Variants in CLPB observed in about 807,000 individuals in gnomAD.
The protein encoded by CLPB is mitochondrial disaggregase.
In CLPB, 40 loss-of-function variants were observed where a neutral mutation model predicts 78.4. That is an observed-to-expected ratio of 0.51 (90% CI 0.40 to 0.66). The LOEUF (loss-of-function observed/expected upper bound fraction) is 0.66, where lower values mean the gene tolerates loss of function less well. Ranked by LOEUF, CLPB falls within the 30% of genes least tolerant of loss-of-function variation. The pLI is 0.00. For missense variants in CLPB, 780 were observed against 886.9 expected (o/e 0.88, Z 1.53); for synonymous variants, 333 against 348.0 (o/e 0.96, Z 0.48).
intron 3 of CLPB, among the ~76,000 whole-genome samples, chr11:72,392,205 C>A (rs1187677874): frequency 6.6e-6 from 1 of 152,046 alleles, no homozygotes; most frequent in African/African-American, 2.4e-5. Context: ...CCCCACCCCC[C>A]ACATCTGAAG....
intron 2 of CLPB, among the ~76,000 whole-genome samples, chr11:72,403,610 A>G (rs1488702079): frequency 3.3e-5 from 5 of 152,136 alleles, no homozygotes; most frequent in African/African-American, 1.2e-4. Context: ...CAGTTCACAA[A>G]ATGATCATAT....
intron 3 of CLPB, among the ~76,000 whole-genome samples, chr11:72,398,037 T>C (rs1321818461): frequency 6.6e-6 from 1 of 152,254 alleles, no homozygotes; most frequent in Non-Finnish European, 1.5e-5. Context: ...GACTGTCCTA[T>C]GAACAGCTTT....
At chr11:72,365,197 C>A (rs58321124) in intron 4 of CLPB, among the ~76,000 whole-genome samples, 1,691 of 152,212 alleles carry the variant, frequency 0.011, 32 homozygotes, top group African/African-American at 0.038. Context: ...GTGGCACATG[C>A]TTGTGGTCCT....
chr11:72,380,472 G>C, intron 3 of CLPB, 88 bp from the exon 4 acceptor site: 1 of 978,070 alleles, frequency 1.0e-6, no homozygotes, highest in Non-Finnish European at 1.6e-6. Flanking sequence ...TTGGGGACTG[G>C]AGCTGTCTCT....
At chr11:72,420,252 G>A (rs1856152265) in intron 2 of CLPB, among the ~76,000 whole-genome samples, 1 of 152,208 alleles carries the variant, frequency 6.6e-6, no homozygotes, top group Admixed American at 6.5e-5. Context: ...TGTAATCCCA[G>A]TACTTTAGGA....
At chr11:72,381,771 C>T (rs1297601335) in intron 3 of CLPB, among the ~76,000 whole-genome samples, 3 of 152,086 alleles carry the variant, frequency 2.0e-5, no homozygotes, top group African/African-American at 7.2e-5. Flanking sequence ...TTTAGGCCTG[C>T]CCTAGCACCA....
intron 4 of CLPB, among the ~76,000 whole-genome samples, chr11:72,379,415 A>T (rs755020003): frequency 6.6e-6 from 1 of 152,098 alleles, no homozygotes; most frequent in Non-Finnish European, 1.5e-5. Context: ...AATGTAAAAT[A>T]CTCATTTCTG....
chr11:72,433,567 A>C (rs1476648810), intron 1 of CLPB, among the ~76,000 whole-genome samples: 1 of 150,814 alleles, frequency 6.6e-6, no homozygotes, highest in Non-Finnish European at 1.5e-5. Flanking sequence ...AAATAAATAA[A>C]TAAATAAATA....
intron 5 of CLPB, among the ~76,000 whole-genome samples, chr11:72,356,329 C>T (rs1950714379): frequency 6.6e-6 from 1 of 151,516 alleles, no homozygotes. Context: ...GGTAGGCTCC[C>T]TTGCCTTTCC....
intron 3 of CLPB, among the ~76,000 whole-genome samples, chr11:72,395,339 C>T (rs1446563246): frequency 6.6e-6 from 1 of 152,134 alleles, no homozygotes; most frequent in Non-Finnish European, 1.5e-5. Context: ...ATCCTTCGGT[C>T]CATCCCATGG....
chr11:72,302,036 G>T, intron 10 of CLPB, 72 bp from the exon 11 acceptor site: 1 of 1,538,764 alleles, frequency 6.5e-7, no homozygotes, highest in Non-Finnish European at 8.9e-7. Context: ...GCATGCATGG[G>T]AAGATGACTT....
rs1565413587 is a variant in CLPB, at chr11:72,286,221, C to CTTTTTTTTTTT, written c.*7145_*7146insAAAAAAAAAAA. On this transcript the variant is annotated 3_prime_UTR_variant, in exon 16 of 16. Transcript: ENST00000538039. ...AGATTACAGGTGTGAGATACTGCACCTGTTTTTTTTTTTTTTTTTTTTTTT... is the reference window on the plus strand; with the variant it reads ...AGATTACAGGTGTGAGATACTGCACCTTTTTTTTTTTTGTTTTTTTTTTTTTTTTTTTTTTT... The CTTTTTTTTTTT allele has an allele frequency of 8.5e-5, 5 of 59,136 alleles. No homozygotes were observed. The highest frequency in any genetic ancestry group is 2.3e-4 in the African/African-American group (3 of 12,988). The allele number at this position is 59,136 out of a possible 1,614,324, so 3.7% of individuals were successfully genotyped here.
intron 2 of CLPB, among the ~76,000 whole-genome samples, chr11:72,413,132 A>G (rs1005997279): frequency 3.3e-5 from 5 of 152,074 alleles, no homozygotes; most frequent in Non-Finnish European, 7.4e-5. Flanking sequence ...CTACTAAAAA[A>G]TACAAAATTA....
chr11:72,408,905 G>C (rs1306287861), intron 2 of CLPB, among the ~76,000 whole-genome samples: 1 of 152,216 alleles, frequency 6.6e-6, no homozygotes, highest in Non-Finnish European at 1.5e-5. Context: ...CGCTGAGAGA[G>C]GCTGAAAGGG....
intron 3 of CLPB, among the ~76,000 whole-genome samples, chr11:72,382,885 C>T (rs1854958470): frequency 6.6e-6 from 1 of 151,890 alleles, no homozygotes; most frequent in Admixed American, 6.5e-5. Flanking sequence ...ATATTCATGA[C>T]CTGCCTCACA....
At position 72,355,600 on chromosome 11, in the gene CLPB, G is replaced by A. The variant is rs77113335; in HGVS notation, c.775+3280C>T. Among the ~76,000 whole-genome samples the A allele has an allele frequency of 9.2e-3, 1,405 of 152,308 alleles. 22 individuals are homozygous for A. The highest frequency in any genetic ancestry group is 0.033 in the African/African-American group (1,352 of 41,562). On this transcript the variant is annotated intron_variant, in intron 5 of 15. Coordinates refer to ENST00000538039, the MANE Select transcript of CLPB (RefSeq NM_001258392.3). The stretch of plus-strand genomic sequence containing the variant: ...GAGGCTTAGAGAATTAAGGAAACAT[G>A]CCCAAGGCAACACAGCTAATAGGTG...
At chr11:72,405,456 T>C (rs1219870499) in intron 2 of CLPB, among the ~76,000 whole-genome samples, 1 of 152,162 alleles carries the variant, frequency 6.6e-6, no homozygotes, top group Non-Finnish European at 1.5e-5. Flanking sequence ...TTTTTACATA[T>C]AATGATCAGG....
intron 3 of CLPB, among the ~76,000 whole-genome samples, chr11:72,382,349 C>A (rs769438992): frequency 1.8e-4 from 28 of 152,122 alleles, no homozygotes; most frequent in Non-Finnish European, 3.5e-4. Flanking sequence ...ACCAGACCAA[C>A]CCCTGTGGAC....
chr11:72,404,790 T>C (rs1205050475), intron 2 of CLPB, among the ~76,000 whole-genome samples: 1 of 152,152 alleles, frequency 6.6e-6, no homozygotes, highest in Non-Finnish European at 1.5e-5. Flanking sequence ...GGGTACAACA[T>C]GTGAGGGAAG....
Sources: gnomAD v4.1 joint callset for allele counts (sites outside exome capture counted in the v4.1 genomes callset) on GRCh38, gnomAD v4.1.1 for gene constraint, MANE v1.5 for transcripts, NCBI Gene and HGNC (gene_info 2026-07-23, HGNC 2026-07-21) for gene names.